Variants in LIN7A observed in about 807,000 individuals in gnomAD.
LIN7A encodes lin-7 cell polarity scaffold A, also known as protein lin-7 homolog A.
A neutral mutation model predicts 29.8 loss-of-function variants in LIN7A; 25 were observed. The observed-to-expected ratio is 0.84, with a 90% confidence interval of 0.61 to 1.17. The LOEUF (loss-of-function observed/expected upper bound fraction) is 1.17, where lower values mean the gene tolerates loss of function less well. Among genes scored for constraint, LIN7A ranks in the 50% most tolerant of loss-of-function variants. The pLI is 0.00. For synonymous variants in LIN7A, 118 were observed against 107.5 expected (o/e 1.10, Z -0.60); for missense variants, 239 against 287.0 (o/e 0.83, Z 1.21).
At chr12:80,815,365 G>T (rs1363672877) in intron 4 of LIN7A, among the ~76,000 whole-genome samples, 1 of 152,206 alleles carries the variant, frequency 6.6e-6, no homozygotes, top group Non-Finnish European at 1.5e-5. Flanking sequence ...CTCAGTTAGG[G>T]TATAAATGTT....
chr12:80,912,285 A>C (rs938824927), intron 1 of LIN7A, among the ~76,000 whole-genome samples: 9 of 152,252 alleles, frequency 5.9e-5, no homozygotes, highest in African/African-American at 2.2e-4. Flanking sequence ...AAAAGGCATT[A>C]TGTTCTTCTC....
chr12:80,893,912 A>G (rs1875753309), intron 1 of LIN7A, among the ~76,000 whole-genome samples: 1 of 152,222 alleles, frequency 6.6e-6, no homozygotes, highest in Admixed American at 6.5e-5. Flanking sequence ...GTAAAAGCCA[A>G]TGGAAGTCTG....
intron 4 of LIN7A, among the ~76,000 whole-genome samples, chr12:80,843,800 G>A (rs974691995): frequency 6.6e-6 from 1 of 152,048 alleles, no homozygotes; most frequent in Non-Finnish European, 1.5e-5. Flanking sequence ...AGAACCTTAT[G>A]TGTTTGATTC....
chr12:80,921,362 C>T (rs1372331725), intron 1 of LIN7A, among the ~76,000 whole-genome samples: 1 of 150,850 alleles, frequency 6.6e-6, no homozygotes, highest in Non-Finnish European at 1.5e-5. Flanking sequence ...ACTGCTGTAA[C>T]AAAATGCCAT....
Position 80,865,259 on chromosome 12 carries a change from T to C in LIN7A, c.202-16937A>G, listed in dbSNP as rs183257850. Among the ~76,000 whole-genome samples, 6 of 152,262 alleles carry C rather than the reference T, an allele frequency of 3.9e-5. No homozygotes were observed. In the East Asian group the frequency reaches 1.2e-3, roughly 29 times the overall value. ...AAGTTATCTCTGTGTATTACAAAATTAAAGAAATTCTACACTGATATGACC... is the reference window on the plus strand; with the variant it reads ...AAGTTATCTCTGTGTATTACAAAATCAAAGAAATTCTACACTGATATGACC... On this transcript the variant is annotated intron_variant, in intron 2 of 5. Coordinates refer to ENST00000552864, the MANE Select transcript of LIN7A (RefSeq NM_004664.4).
chr12:80,934,879 C>T (rs958178599), intron 1 of LIN7A, among the ~76,000 whole-genome samples: 3 of 152,162 alleles, frequency 2.0e-5, no homozygotes, highest in Non-Finnish European at 4.4e-5. Context: ...TCTCCTTTGC[C>T]CACCTGCCAC....
intron 2 of LIN7A, among the ~76,000 whole-genome samples, chr12:80,883,407 A>G (rs1031770837): frequency 6.6e-6 from 1 of 152,196 alleles, no homozygotes; most frequent in African/African-American, 2.4e-5. Flanking sequence ...TCGTAATGCT[A>G]CTTCTCATAT....
At chr12:80,820,040 A>G (rs796907898) in intron 4 of LIN7A, among the ~76,000 whole-genome samples, 7 of 152,360 alleles carry the variant, frequency 4.6e-5, no homozygotes, top group African/African-American at 1.7e-4. Flanking sequence ...GCTGTTAATC[A>G]TCCTCAAGTA....
intron 1 of LIN7A, among the ~76,000 whole-genome samples, chr12:80,921,627 C>T (rs1349399020): frequency 6.6e-6 from 1 of 151,820 alleles, no homozygotes; most frequent in Non-Finnish European, 1.5e-5. Flanking sequence ...GGAGGCCCCA[C>T]CCTTCTGACT....
At chr12:80,840,271 A>T (rs1872749697) in intron 4 of LIN7A, among the ~76,000 whole-genome samples, 1 of 152,238 alleles carries the variant, frequency 6.6e-6, no homozygotes, top group African/African-American at 2.4e-5. Flanking sequence ...AAACCAGCGA[A>T]TTGGAATTGG....
intron 1 of LIN7A, among the ~76,000 whole-genome samples, chr12:80,914,282 A>G (rs1224683369): frequency 2.6e-5 from 4 of 152,206 alleles, no homozygotes; most frequent in Non-Finnish European, 4.4e-5. Flanking sequence ...CTCACAAAGT[A>G]TATTGTAGCC....
rs1451233245 is a variant in LIN7A, at chr12:80,893,401, G to GC, written c.83-4033_83-4032insG. Among the ~76,000 whole-genome samples, 20 of 151,916 alleles carry GC rather than the reference G, an allele frequency of 1.3e-4. No individual in the cohort carries two copies. In the East Asian group the frequency reaches 3.9e-3, roughly 30 times the overall value. On this transcript the variant is annotated intron_variant, in intron 1 of 5. Transcript: ENST00000552864. The stretch of plus-strand genomic sequence containing the variant: ...ACAAGTTGTTGTTTTTTTAATTTTT[G>GC]TTTTTTAGCTTCCATATGATTTCTA...
intron 4 of LIN7A, among the ~76,000 whole-genome samples, chr12:80,812,615 G>A (rs539518195): frequency 2.2e-4 from 33 of 152,136 alleles, no homozygotes; most frequent in African/African-American, 8.0e-4. Context: ...GCAGTGGCCT[G>A]ATCTGGGCTC....
chr12:80,867,444 G>A (rs1565907588), intron 2 of LIN7A, among the ~76,000 whole-genome samples: 6 of 152,108 alleles, frequency 3.9e-5, no homozygotes. Context: ...AGTCAGACAG[G>A]GGCTAAGAGG....
chr12:80,869,149 A>AAT (rs1555225727), intron 2 of LIN7A, among the ~76,000 whole-genome samples: 12,065 of 145,308 alleles, frequency 0.083, 745 homozygotes, highest in African/African-American at 0.17. Context: ...TAAATAAATA[A>AAT]ATATATATAT....
chr12:80,803,710 T>C (rs1185486458), intron 5 of LIN7A, among the ~76,000 whole-genome samples: 1 of 152,210 alleles, frequency 6.6e-6, no homozygotes, highest in East Asian at 1.9e-4. Flanking sequence ...TTCTACAGCA[T>C]TATAGGAAAC....
At chr12:80,809,411 T>C (rs1871184914) in intron 5 of LIN7A, among the ~76,000 whole-genome samples, 1 of 152,234 alleles carries the variant, frequency 6.6e-6, no homozygotes, top group South Asian at 2.1e-4. Context: ...TATTTGAAGT[T>C]CACTTCAAAT....
chr12:80,934,119 T>A (rs1465445970), intron 1 of LIN7A, among the ~76,000 whole-genome samples: 4 of 152,174 alleles, frequency 2.6e-5, no homozygotes, highest in African/African-American at 9.7e-5. Flanking sequence ...TCCTCCAGCA[T>A]CTTGCATATA....
At chr12:80,864,208 G>A (rs544029244) in intron 2 of LIN7A, among the ~76,000 whole-genome samples, 1 of 152,116 alleles carries the variant, frequency 6.6e-6, no homozygotes, top group South Asian at 2.1e-4. Flanking sequence ...GGCTTAAGAT[G>A]ACATGGCAAA....
Sources: allele counts gnomAD v4.1 joint callset (sites outside exome capture counted in the v4.1 genomes callset), GRCh38; gene constraint gnomAD v4.1.1; transcripts MANE v1.5; gene names NCBI Gene and HGNC (gene_info 2026-07-23, HGNC 2026-07-21).